TCF12: variants seen among roughly 807,000 people sequenced by gnomAD.
The protein encoded by TCF12 is transcription factor 12, also known as DNA-binding protein HTF4.
TCF12 carries 45 observed loss-of-function variants against 86.0 expected under a neutral mutation model. The observed-to-expected ratio is 0.52, with a 90% confidence interval of 0.41 to 0.67. The LOEUF (loss-of-function observed/expected upper bound fraction) is 0.67, where lower values mean the gene tolerates loss of function less well. Ranked by LOEUF, TCF12 falls within the 30% of genes least tolerant of loss-of-function variation. TCF12 has a pLI of 0.00. For synonymous variants in TCF12, 330 were observed against 299.6 expected (o/e 1.10, Z -1.05); for missense variants, 881 against 859.9 (o/e 1.02, Z -0.31).
intron 4 of TCF12, among the ~76,000 whole-genome samples, chr15:57,064,722 G>A (rs536290685): frequency 1.3e-5 from 2 of 149,134 alleles, no homozygotes; most frequent in South Asian, 4.2e-4. Flanking sequence ...CTTGAACCTG[G>A]GAGGCAGAGG....
chr15:57,066,109 A>C, intron 4 of TCF12, among the ~76,000 whole-genome samples: 1 of 151,774 alleles, frequency 6.6e-6, no homozygotes, highest in East Asian at 1.9e-4. Context: ...CTCCTTGGCA[A>C]CTCTTCTTGC....
At chr15:57,231,064 T>G (rs2151917046) in intron 8 of TCF12, 88 bp from the exon 9 acceptor site, 2 of 966,572 alleles carry the variant, frequency 2.1e-6, no homozygotes, top group East Asian at 2.5e-5. Context: ...TAGGCCTTTT[T>G]AAGCCCCTTA....
chr15:57,211,052 T>C (rs1481609794), intron 8 of TCF12, among the ~76,000 whole-genome samples: 1 of 152,242 alleles, frequency 6.6e-6, no homozygotes, highest in Non-Finnish European at 1.5e-5. Flanking sequence ...GGAGATTGTA[T>C]ATTATTTGAA....
At chr15:57,202,438 T>C (rs1040036086) in intron 8 of TCF12, among the ~76,000 whole-genome samples, 4 of 140,562 alleles carry the variant, frequency 2.8e-5, no homozygotes, top group Non-Finnish European at 6.2e-5. Flanking sequence ...TGCCCTCAGC[T>C]TTTTTTTTTT....
At chr15:57,156,761 T>C (rs146431712) in intron 5 of TCF12, among the ~76,000 whole-genome samples, 2 of 152,254 alleles carry the variant, frequency 1.3e-5, no homozygotes, top group Non-Finnish European at 2.9e-5. Flanking sequence ...AAAAACAGAG[T>C]TAAACACTGA....
intron 3 of TCF12, among the ~76,000 whole-genome samples, chr15:57,058,676 A>C (rs546896066): frequency 4.3e-4 from 65 of 152,364 alleles, no homozygotes; most frequent in Non-Finnish European, 7.1e-4. Flanking sequence ...TATATACTTT[A>C]GATGAGGTAG....
chr15:56,975,904 T>C (rs1438063311), intron 3 of TCF12, among the ~76,000 whole-genome samples: 2 of 151,170 alleles, frequency 1.3e-5, no homozygotes, highest in Non-Finnish European at 2.9e-5. Flanking sequence ...CACTAGATAA[T>C]AGGAAGCTTC....
intron 6 of TCF12, among the ~76,000 whole-genome samples, chr15:57,170,805 A>ATTTTT (rs58751405): frequency 3.3e-4 from 17 of 51,352 alleles, no homozygotes; most frequent in African/African-American, 1.7e-3. Context: ...TATATATATA[A>ATTTTT]TTTTTTTTTT....
chr15:57,269,108 A>G (rs571602220), intron 18 of TCF12, among the ~76,000 whole-genome samples: 2 of 152,178 alleles, frequency 1.3e-5, no homozygotes, highest in East Asian at 1.9e-4. Flanking sequence ...TGATCTGTCT[A>G]ATATTGACAG....
intron 6 of TCF12, among the ~76,000 whole-genome samples, chr15:57,168,753 TA>T (rs1224048609): frequency 6.6e-6 from 1 of 152,084 alleles, no homozygotes; most frequent in Non-Finnish European, 1.5e-5. Flanking sequence ...TTTGAAAAAC[TA>T]AGTTGTGGCC....
At chr15:56,995,807 G>T (rs2063685348) in intron 3 of TCF12, among the ~76,000 whole-genome samples, 1 of 152,072 alleles carries the variant, frequency 6.6e-6, no homozygotes, top group South Asian at 2.1e-4. Context: ...GATTGCTCTG[G>T]CTAGGACTTC....
chr15:57,029,132 C>T (rs1291625518), intron 3 of TCF12, among the ~76,000 whole-genome samples: 3 of 152,074 alleles, frequency 2.0e-5, no homozygotes, highest in Non-Finnish European at 4.4e-5. Flanking sequence ...AATTAATTTT[C>T]GTTTACATTG....
In TCF12 at chr15:57,166,348, TTGTC is replaced by T. The variant is rs147254954; in HGVS notation, c.326-49_326-46del. ...TACCATGAATAGTCTAGCAGTTTGATTGTCTGTCAATAAATGAAGGGTTTTATAT... is the reference window on the plus strand; with the variant it reads ...TACCATGAATAGTCTAGCAGTTTGATTGTCAATAAATGAAGGGTTTTATAT... On this transcript the variant is annotated intron_variant, in intron 5 of 20. Transcript: ENST00000333725. 5,310 of 1,453,694 alleles carry T rather than the reference TTGTC, an allele frequency of 3.7e-3. 102 individuals carry two copies. In the African/African-American group the frequency reaches 0.041, roughly 11 times the overall value. 90.0% of individuals were successfully genotyped at this position (1,453,694 alleles called of 1,614,324 possible). A position where few individuals can be genotyped will look rare whatever the true frequency, so the allele number is the denominator to read the frequency against.
intron 5 of TCF12, among the ~76,000 whole-genome samples, chr15:57,101,323 G>T (rs1397735535): frequency 6.6e-6 from 1 of 151,964 alleles, no homozygotes; most frequent in East Asian, 1.9e-4. Context: ...CTCCCACTCA[G>T]CCTCCCAAGT....
chr15:57,198,783 C>A (rs572224017), intron 8 of TCF12, among the ~76,000 whole-genome samples: 1 of 152,050 alleles, frequency 6.6e-6, no homozygotes, highest in Non-Finnish European at 1.5e-5. Context: ...GCGCAGGTGC[C>A]GCCAGATGAG....
intron 3 of TCF12, among the ~76,000 whole-genome samples, chr15:56,969,580 C>T (rs552928431): frequency 4.7e-5 from 7 of 149,990 alleles, no homozygotes; most frequent in Non-Finnish European, 7.4e-5. Context: ...TTCTGTCACC[C>T]GGACTGGAGG....
intron 13 of TCF12, chr15:57,247,843 T>C (rs2059933184): frequency 2.7e-6 from 2 of 752,242 alleles, no homozygotes; most frequent in Non-Finnish European, 4.8e-6. Flanking sequence ...TTTTTTGGGG[T>C]CTCATTACCA....
intron 5 of TCF12, among the ~76,000 whole-genome samples, chr15:57,128,338 A>T (rs568642743): frequency 6.6e-6 from 1 of 152,308 alleles, no homozygotes; most frequent in South Asian, 2.1e-4. Context: ...TGACAAAGGA[A>T]AAAGGAGGTC....
intron 5 of TCF12, among the ~76,000 whole-genome samples, chr15:57,107,886 GAC>G (rs1284530044): frequency 1.3e-5 from 2 of 152,140 alleles, no homozygotes; most frequent in Non-Finnish European, 2.9e-5. Flanking sequence ...CGTGCCTGGT[GAC>G]AGAGTGAGGC....
Sources: gnomAD v4.1 joint callset for allele counts (sites outside exome capture counted in the v4.1 genomes callset) on GRCh38, gnomAD v4.1.1 for gene constraint, MANE v1.5 for transcripts, NCBI Gene and HGNC (gene_info 2026-07-23, HGNC 2026-07-21) for gene names.